HROB: variants seen among roughly 807,000 people sequenced by gnomAD.
The protein encoded by HROB is homologous recombination factor with OB-fold.
A neutral mutation model predicts 61.0 loss-of-function variants in HROB; 44 were observed. The ratio of observed to expected loss-of-function variants is 0.72; its 90% CI spans 0.57 to 0.93. The LOEUF (loss-of-function observed/expected upper bound fraction) is 0.93. Among genes scored for constraint, HROB ranks in the 40% least tolerant of loss-of-function variants. The pLI, the probability that HROB is intolerant of heterozygous loss-of-function variation, is 0.00. For missense variants in HROB, 716 were observed against 796.2 expected, an observed-to-expected ratio of 0.90 and a Z score of 1.21; for synonymous variants, 301 against 310.4, an observed-to-expected ratio of 0.97 and a Z score of 0.32.
intron 5 of HROB, 141 bp from the exon 6 acceptor site, chr17:44,154,395 GTCAGAGAGAGATGGGGTACC>G (rs1392716446): frequency 1.6e-6 from 1 of 642,280 alleles, no homozygotes; most frequent in Non-Finnish European, 2.8e-6. Context: ...CTCTAGGTCT[GTCAGAGAGAGATGGGGTACC>G]TCCTTGTCCT....
In HROB at chr17:44,148,686, C is replaced by G. The variant is rs749407735; in HGVS notation, c.883C>G (p.Arg295Gly). 3.7e-6 allele frequency: 6 copies of G among 1,613,984 alleles called. No individual in the cohort carries two copies. The South Asian group carries it at 6.6e-5, about 18-fold the overall frequency. Residue 295 changes from arginine (R) to glycine (G), a missense_variant, in exon 3 of 10, where the codon CGT becomes GGT. By Grantham distance (125) the Arg-to-Gly change is moderately radical. Coordinates refer to ENST00000585683, the MANE Select transcript of HROB (RefSeq NM_001171251.3). ...GACCATTCAGAGCAGCCCTCAAAAT[C>G]GTTTCCCTTGTCAGCCATTCCAGTC... is the stretch of plus-strand genomic sequence containing the variant. ...RGTIQSSPQN[R>G]FPCQPFQSPS...
intron 2 of HROB, among the ~76,000 whole-genome samples, chr17:44,146,830 C>T (rs1015253526): frequency 2.6e-5 from 4 of 152,108 alleles, no homozygotes; most frequent in African/African-American, 9.7e-5. Context: ...TGGGGACCCT[C>T]CTGTCAGTTA....
intron 1 of HROB, among the ~76,000 whole-genome samples, chr17:44,143,604 G>A (rs1330192797): frequency 3.3e-5 from 5 of 151,826 alleles, no homozygotes; most frequent in Non-Finnish European, 5.9e-5. Flanking sequence ...AAATCGTGCC[G>A]CTGGACTTCA....
intron 9 of HROB, among the ~76,000 whole-genome samples, chr17:44,161,461 G>A (rs1244097853): frequency 1.3e-5 from 2 of 152,150 alleles, no homozygotes; most frequent in Non-Finnish European, 2.9e-5. Context: ...CAGATGAGAA[G>A]CCAATTAAGG....
chr17:44,154,321 C>T (rs2053905596), intron 5 of HROB: 2 of 469,390 alleles, frequency 4.3e-6, no homozygotes, highest in Non-Finnish European at 7.8e-6. Context: ...AGCCTGGGAG[C>T]GAAACTCCCT....
At chr17:44,142,498 G>C (rs1355628297) in intron 1 of HROB, among the ~76,000 whole-genome samples, 1 of 134,230 alleles carries the variant, frequency 7.4e-6, no homozygotes, top group Non-Finnish European at 1.5e-5. Context: ...ACGAAGTCTC[G>C]TTCTGTCGCC....
intron 7 of HROB, 128 bp from the exon 8 acceptor site, chr17:44,155,158 A>G: frequency 7.0e-7 from 1 of 1,438,584 alleles, no homozygotes; most frequent in Non-Finnish European, 9.5e-7. Flanking sequence ...AGATTGTGGC[A>G]AATGGTTCTC....
intron 4 of HROB, among the ~76,000 whole-genome samples, chr17:44,152,266 C>T (rs556969870): frequency 4.1e-4 from 62 of 152,136 alleles, no homozygotes; most frequent in Non-Finnish European, 7.2e-4. Context: ...AGGTGTGAGC[C>T]ACCGCGTCTG....
chr17:44,148,971 T>C lies in HROB; in HGVS notation c.1168T>C (p.Ser390Pro). The C allele has an allele frequency of 6.2e-7, 1 of 1,613,874 alleles. No homozygotes were observed. Among genetic ancestry groups the C allele is most frequent in the Non-Finnish European group, 8.5e-7 (1 of 1,179,906 alleles). Residue 390 changes from serine to proline, a missense_variant, in exon 3 of 10, where the codon TCC (serine) becomes CCC (proline). Physicochemically the swap from Ser to Pro is moderately conservative, Grantham distance 74. Coordinates refer to ENST00000585683, the MANE Select transcript of HROB (RefSeq NM_001171251.3). ...SRTPQQPTHP[S>P]TRAKTRRFPG... ...GACACCCCAGCAGCCCACCCATCCC[T>C]CCACCCGAGCCAAAACTCGCCGTTT...
intron 1 of HROB, among the ~76,000 whole-genome samples, chr17:44,142,743 T>C (rs2143794927): frequency 6.6e-6 from 1 of 152,232 alleles, no homozygotes; most frequent in South Asian, 2.1e-4. Context: ...CCTACTCTCC[T>C]GGGACCCTAG....
Position 44,149,026 on chromosome 17 carries a change from A to G in HROB, c.1223A>G (p.Gln408Arg). The change falls in exon 3 of 10, where the codon CAG (glutamine) becomes CGG (arginine). Residue 408 changes from glutamine (Q) to arginine (R), a missense_variant and splice_region_variant. Coordinates refer to ENST00000585683, the MANE Select transcript of HROB (RefSeq NM_001171251.3). ...FPGPAGILPH[Q>R]QSGRSLEDIM... ...GGCCCAGCTGGGATCCTGCCTCACC[A>G]GGTGAGTGAGCTGGCTTTCTAGGAT... 4.3e-6 allele frequency: 7 copies of G among 1,611,928 alleles called. No homozygotes were observed. In the South Asian group the frequency reaches 7.7e-5, roughly 18 times the overall value.
At chr17:44,147,432 CTTTCTTTTTTTTT>C (rs2053643408) in intron 2 of HROB, among the ~76,000 whole-genome samples, 1 of 133,518 alleles carries the variant, frequency 7.5e-6, no homozygotes, top group South Asian at 2.3e-4. Context: ...TTTTTCTTTT[CTTTCTTTTTTTTT>C]TTTTTTTTTG....
intron 1 of HROB, among the ~76,000 whole-genome samples, chr17:44,143,337 C>T (rs140778113): frequency 0.018 from 2,703 of 151,844 alleles, 54 homozygotes; most frequent in Non-Finnish European, 0.025. Flanking sequence ...AGTGAGGCCC[C>T]GTATCTATAA....
intron 1 of HROB, 103 bp downstream of exon 1, chr17:44,142,248 G>C (rs2053467087): frequency 7.4e-7 from 1 of 1,344,798 alleles, no homozygotes; most frequent in Non-Finnish European, 9.6e-7. Context: ...TTGCAGGACC[G>C]GGGTCTGGGT....
chr17:44,158,166 C>A (rs2054027500), intron 9 of HROB, among the ~76,000 whole-genome samples: 2 of 152,144 alleles, frequency 1.3e-5, no homozygotes, highest in African/African-American at 4.8e-5. Context: ...ACAGGTTTCC[C>A]CCATTTTCAG....
At chr17:44,152,003 T>A (rs760292734) in intron 4 of HROB, among the ~76,000 whole-genome samples, 1 of 152,028 alleles carries the variant, frequency 6.6e-6, no homozygotes, top group Non-Finnish European at 1.5e-5. Flanking sequence ...TGTGCCACCA[T>A]GCCTGGCTAA....
intron 3 of HROB, among the ~76,000 whole-genome samples, chr17:44,150,238 G>C (rs1308761319): frequency 6.6e-6 from 1 of 152,084 alleles, no homozygotes; most frequent in Non-Finnish European, 1.5e-5. Context: ...AACAATTTCT[G>C]CCTGTTACTT....
At position 44,145,200 on chromosome 17, in the gene HROB, C is replaced by T. The variant is rs1404784037; in HGVS notation, c.4-3C>T. ...AACCCCAGTTGGTTTTTTTTCTTTTCAGGCGTGCAGTTTGCAGAAGCTGTT... is the reference window on the plus strand; with the variant it reads ...AACCCCAGTTGGTTTTTTTTCTTTTTAGGCGTGCAGTTTGCAGAAGCTGTT... On this transcript the variant is annotated splice_polypyrimidine_tract_variant and splice_region_variant and intron_variant, in intron 1 of 9. Transcript: ENST00000585683. 6.2e-7 allele frequency: 1 copy of T among 1,612,834 alleles called. No homozygotes were observed. Among genetic ancestry groups the T allele is most frequent in the Non-Finnish European group, 8.5e-7 (1 of 1,179,428 alleles).
At position 44,148,374 on chromosome 17, in the gene HROB, C is replaced by G; in HGVS notation, c.571C>G (p.Arg191Gly). The G allele has an allele frequency of 6.2e-7, 1 of 1,614,060 alleles. No homozygotes were observed. Among genetic ancestry groups the G allele is most frequent in the African/African-American group, 1.3e-5 (1 of 75,000 alleles). ...EAIPILPAQQREGSVLAKKAR... is the reference protein window; with the variant it reads ...EAIPILPAQQGEGSVLAKKAR... ...CATACCAATCCTGCCTGCCCAGCAG[C>G]GGGAGGGTTCAGTATTGGCTAAAAA... The change falls in exon 3 of 10, where the codon CGG (arginine) becomes GGG (glycine). Residue 191 changes from arginine (R) to glycine (G), a missense_variant. Coordinates refer to ENST00000585683, the MANE Select transcript of HROB (RefSeq NM_001171251.3).
Sources: gnomAD v4.1 joint callset for allele counts (sites outside exome capture counted in the v4.1 genomes callset) on GRCh38, gnomAD v4.1.1 for gene constraint, MANE v1.5 for transcripts, NCBI Gene and HGNC (gene_info 2026-07-23, HGNC 2026-07-21) for gene names.